Variants in XYLT1 observed in about 807,000 individuals in gnomAD.
XYLT1 encodes the protein xylosyltransferase 1.
XYLT1 carries 36 observed loss-of-function variants against 91.3 expected under a neutral mutation model. The observed-to-expected ratio is 0.39, with a 90% CI of 0.30 to 0.52. The LOEUF is 0.52. Among genes scored for constraint, XYLT1 ranks in the 20% least tolerant of loss-of-function variants. The probability of loss-of-function intolerance (pLI) is 0.68; values close to 1 mark genes in which losing one functional copy is unlikely to be tolerated. For synonymous variants in XYLT1, 588 were observed against 532.0 expected, an observed-to-expected ratio of 1.11 and a Z score of -1.45; for missense variants, 1,242 against 1,284.5, an observed-to-expected ratio of 0.97 and a Z score of 0.51.
intron 2 of XYLT1, among the ~76,000 whole-genome samples, chr16:17,271,102 G>C (rs1054769823): frequency 4.6e-5 from 7 of 152,194 alleles, no homozygotes; most frequent in African/African-American, 1.7e-4. Context: ...GGAACAAAAT[G>C]CCTCACACAC....
At chr16:17,282,742 G>A (rs571692825) in intron 2 of XYLT1, among the ~76,000 whole-genome samples, 3 of 152,344 alleles carry the variant, frequency 2.0e-5, no homozygotes, top group Non-Finnish European at 2.9e-5. Context: ...TTTTAGGGAC[G>A]AAGTGTAAAA....
At chr16:17,455,611 T>G (rs1285900405) in intron 1 of XYLT1, among the ~76,000 whole-genome samples, 7 of 149,894 alleles carry the variant, frequency 4.7e-5, no homozygotes, top group African/African-American at 1.7e-4. Context: ...AATAAATAAA[T>G]AAATAAATAA....
At chr16:17,164,734 TC>T (rs2031638326) in intron 5 of XYLT1, among the ~76,000 whole-genome samples, 1 of 152,212 alleles carries the variant, frequency 6.6e-6, no homozygotes, top group African/African-American at 2.4e-5. Flanking sequence ...TAATACTCTC[TC>T]ATGTACCACC....
intron 1 of XYLT1, among the ~76,000 whole-genome samples, chr16:17,458,401 C>T (rs1233563668): frequency 1.3e-5 from 2 of 152,144 alleles, no homozygotes; most frequent in Admixed American, 6.5e-5. Flanking sequence ...ATCCAAAAGA[C>T]GCACATGAAA....
At chr16:17,133,234 T>A (rs1224897153) in intron 9 of XYLT1, among the ~76,000 whole-genome samples, 1 of 152,042 alleles carries the variant, frequency 6.6e-6, no homozygotes, top group Non-Finnish European at 1.5e-5. Context: ...GTGGGAAACC[T>A]GCCTGTGTTT....
chr16:17,264,003 C>G (rs1018185697), intron 2 of XYLT1, among the ~76,000 whole-genome samples: 3 of 149,934 alleles, frequency 2.0e-5, no homozygotes, highest in African/African-American at 7.4e-5. Flanking sequence ...TAACACTTAA[C>G]ATGAGATCTA....
At chr16:17,364,219 C>A (rs1264361088) in intron 1 of XYLT1, among the ~76,000 whole-genome samples, 2 of 152,088 alleles carry the variant, frequency 1.3e-5, no homozygotes, top group Non-Finnish European at 2.9e-5. Context: ...TCTCACTGAC[C>A]CCCACGTAAA....
At chr16:17,127,266 T>C (rs913467024) in intron 10 of XYLT1, among the ~76,000 whole-genome samples, 13 of 152,188 alleles carry the variant, frequency 8.5e-5, no homozygotes, top group Admixed American at 7.8e-4. Context: ...AAGCATAGGA[T>C]TTGTGGCCAA....
intron 1 of XYLT1, among the ~76,000 whole-genome samples, chr16:17,427,239 C>T (rs2036330326): frequency 6.6e-6 from 1 of 152,258 alleles, no homozygotes. Context: ...AATGTTGACG[C>T]TTGGCTCAAG....
In XYLT1 at chr16:17,356,409, G is replaced by A. The variant is rs958742009; in HGVS notation, c.402+1603C>T. Among the ~76,000 whole-genome samples the A allele has an allele frequency of 7.2e-5, 11 of 152,210 alleles. No individual in the cohort carries two copies. In the East Asian group the frequency reaches 1.9e-3, roughly 27 times the overall value. ...AGAGCTGCACCTTCTATACTTCCCT[G>A]CCGGCCCTGGCGCCTGGTCAGCCCT... On this transcript the variant is annotated intron_variant, in intron 2 of 11. Coordinates refer to ENST00000261381, the MANE Select transcript of XYLT1 (RefSeq NM_022166.4).
intron 2 of XYLT1, among the ~76,000 whole-genome samples, chr16:17,305,511 G>C (rs1323333060): frequency 6.6e-6 from 1 of 150,962 alleles, no homozygotes; most frequent in Non-Finnish European, 1.5e-5. Flanking sequence ...CGCCTCCTGG[G>C]TTCAAGCGAT....
chr16:17,357,169 T>A (rs2035308857), intron 2 of XYLT1, among the ~76,000 whole-genome samples: 1 of 44,910 alleles, frequency 2.2e-5, no homozygotes, highest in Non-Finnish European at 3.8e-5. Flanking sequence ...AGAGACTCGG[T>A]CTCAAAAAAA....
At position 17,330,487 on chromosome 16, in the gene XYLT1, T is replaced by C. The variant is rs146206242; in HGVS notation, c.402+27525A>G. 1.8e-4 allele frequency among the ~76,000 whole-genome samples: 27 copies of C among 152,000 alleles called. No homozygotes were observed. The East Asian group carries it at 4.6e-3, about 26-fold the overall frequency. On this transcript the variant is annotated intron_variant, in intron 2 of 11. Coordinates refer to ENST00000261381, the MANE Select transcript of XYLT1 (RefSeq NM_022166.4). ...AAGGTGACCCAGGCTAGAGGTGCCA[T>C]AGAAAATGTCCCTGCTGGGCCAGGC...
At chr16:17,455,949 C>T (rs936059917) in intron 1 of XYLT1, among the ~76,000 whole-genome samples, 19 of 152,174 alleles carry the variant, frequency 1.2e-4, no homozygotes, top group Admixed American at 1.0e-3. Context: ...TTTTTCTCAC[C>T]GTCAGCAGCT....
chr16:17,275,092 G>A (rs2033954454), intron 2 of XYLT1, among the ~76,000 whole-genome samples: 1 of 152,044 alleles, frequency 6.6e-6, no homozygotes, highest in Non-Finnish European at 1.5e-5. Flanking sequence ...GAGGAAAAAC[G>A]CTTGGACCTG....
intron 4 of XYLT1, 144 bp downstream of exon 4, chr16:17,200,338 G>T (rs949666817): frequency 3.1e-6 from 3 of 981,696 alleles, no homozygotes; most frequent in Non-Finnish European, 4.5e-6. Flanking sequence ...AGGGCCACAC[G>T]CTCTGTGGAG....
chr16:17,298,446 T>C (rs2034347480), intron 2 of XYLT1, among the ~76,000 whole-genome samples: 1 of 152,208 alleles, frequency 6.6e-6, no homozygotes, highest in Non-Finnish European at 1.5e-5. Flanking sequence ...CTCAAGGAGC[T>C]GACGTCATTT....
chr16:17,187,587 A>AAT (rs2032214271), intron 5 of XYLT1, among the ~76,000 whole-genome samples: 1 of 149,912 alleles, frequency 6.7e-6, no homozygotes, highest in African/African-American at 2.5e-5. Context: ...AAAAAAAAAA[A>AAT]AGAAAGATTA....
chr16:17,333,965 G>A (rs1275351269), intron 2 of XYLT1, among the ~76,000 whole-genome samples: 11 of 152,148 alleles, frequency 7.2e-5, no homozygotes, highest in African/African-American at 2.2e-4. Flanking sequence ...GAAGAGTTCC[G>A]CTATCATGCA....
Sources: allele counts gnomAD v4.1 joint callset (sites outside exome capture counted in the v4.1 genomes callset), GRCh38; gene constraint gnomAD v4.1.1; transcripts MANE v1.5; gene names NCBI Gene and HGNC (gene_info 2026-07-23, HGNC 2026-07-21).